The following MBD5 variants were observed in gnomAD, a reference collection of about 807,000 sequenced individuals.
The protein encoded by MBD5 is methyl-CpG binding domain protein 5.
In MBD5, 13 loss-of-function variants were observed where a neutral mutation model predicts 117.3. That is an observed-to-expected ratio of 0.11 (90% confidence interval 0.07 to 0.18). MBD5 has a LOEUF of 0.18. Ranked by LOEUF, MBD5 falls within the 10% of genes least tolerant of loss-of-function variation. The probability of loss-of-function intolerance (pLI) is 1.00; values close to 1 mark genes in which losing one functional copy is unlikely to be tolerated. For missense variants in MBD5, 1,879 were observed against 2,093.8 expected, an observed-to-expected ratio of 0.90 and a Z score of 2.00; for synonymous variants, 727 against 766.4, an observed-to-expected ratio of 0.95 and a Z score of 0.85.
Position 148,052,206 on chromosome 2 carries a change from G to GTTTTTTTTTTTT in MBD5, c.-925+30532_-925+30543dup, listed in dbSNP as rs70992189. On this transcript the variant is annotated intron_variant, in intron 1 of 13. Coordinates refer to ENST00000642680, the MANE Select transcript of MBD5 (RefSeq NM_001378120.1). ...TCTTATGGTATAAGACTGTTATTGA[G>GTTTTTTTTTTTT]TTTTTTTTTTTTTTTTTTTTTGAGA... is the stretch of plus-strand genomic sequence containing the variant. 2.6e-4 allele frequency among the ~76,000 whole-genome samples: 22 copies of GTTTTTTTTTTTT among 83,766 alleles called. 2 individuals carry two copies. The highest frequency in any genetic ancestry group is 1.3e-3 in the East Asian group (3 of 2,300). 55.0% of individuals were successfully genotyped at this position (83,766 alleles called of 152,430 possible).
intron 4 of MBD5, among the ~76,000 whole-genome samples, chr2:148,448,156 C>G (rs1706624002): frequency 6.6e-6 from 1 of 152,054 alleles, no homozygotes; most frequent in Non-Finnish European, 1.5e-5. Context: ...GGTTTTACTA[C>G]TTGTTTCATT....
chr2:148,384,252 A>C (rs368573553), intron 4 of MBD5, among the ~76,000 whole-genome samples: 13 of 152,246 alleles, frequency 8.5e-5, no homozygotes, highest in East Asian at 5.8e-4. Flanking sequence ...TGATAAGCAA[A>C]TTCAGCAAAG....
rs1219666803 is a variant in MBD5, at chr2:148,342,242, C to T, written c.-651C>T. 6.6e-6 allele frequency: 1 copy of T among 151,914 alleles called. No homozygotes were observed. Among genetic ancestry groups the T allele is most frequent in the African/African-American group, 2.4e-5 (1 of 41,394 alleles). 9.4% of individuals were successfully genotyped at this position (151,914 alleles called of 1,614,324 possible). A position where few individuals can be genotyped will look rare whatever the true frequency, so the allele number is the denominator to read the frequency against. ...GAAGAGGTACTCCCTTATAGGGACT[C>T]GTAAAGACATAGAGCATCTGGAAAT... is the stretch of plus-strand genomic sequence containing the variant. On this transcript the variant is annotated 5_prime_UTR_variant, in exon 4 of 14. Coordinates refer to ENST00000642680, the MANE Select transcript of MBD5 (RefSeq NM_001378120.1).
intron 1 of MBD5, among the ~76,000 whole-genome samples, chr2:148,158,913 G>A (rs181655564): frequency 0.029 from 4,452 of 152,220 alleles, 86 homozygotes; most frequent in Non-Finnish European, 0.047. Flanking sequence ...TAGTAGAGAC[G>A]GGGTTTCATC....
intron 1 of MBD5, among the ~76,000 whole-genome samples, chr2:148,023,799 C>T (rs565320714): frequency 2.6e-5 from 4 of 151,706 alleles, no homozygotes; most frequent in Admixed American, 6.6e-5. Context: ...TTATCACACC[C>T]CTCACCCTCA....
intron 4 of MBD5, among the ~76,000 whole-genome samples, chr2:148,420,031 G>T (rs1208352943): frequency 1.3e-5 from 2 of 152,070 alleles, no homozygotes; most frequent in African/African-American, 2.4e-5. Context: ...GCCTGGGGGA[G>T]GTAAGGAAGA....
intron 1 of MBD5, among the ~76,000 whole-genome samples, chr2:148,124,979 G>A (rs1263639456): frequency 1.3e-5 from 2 of 150,472 alleles, no homozygotes; most frequent in African/African-American, 4.9e-5. Context: ...TATAAAAGTG[G>A]GATCAGGATT....
At chr2:148,074,483 T>TG (rs369648154) in intron 1 of MBD5, among the ~76,000 whole-genome samples, 4 of 140,776 alleles carry the variant, frequency 2.8e-5, no homozygotes, top group African/African-American at 5.4e-5. Flanking sequence ...AGGAATAGTT[T>TG]GTTTTTTTTT....
chr2:148,210,517 A>G (rs542076935), intron 2 of MBD5, among the ~76,000 whole-genome samples: 50 of 152,108 alleles, frequency 3.3e-4, no homozygotes, highest in African/African-American at 1.2e-3. Flanking sequence ...AACTTGTATT[A>G]TCTTAATAGG....
rs113519066 is a variant in MBD5 at position 148,436,431 on chromosome 2, G to A, written c.-556-21772G>A. On this transcript the variant is annotated intron_variant, in intron 4 of 13. Coordinates refer to ENST00000642680, the MANE Select transcript of MBD5 (RefSeq NM_001378120.1). The stretch of plus-strand genomic sequence containing the variant: ...TCTGTTGCCCAGGCTGGAATGCAGC[G>A]ATGTGATCTTGGTTCACTGCAACCT... Among the ~76,000 whole-genome samples, 841 of 152,172 alleles carry A rather than the reference G, an allele frequency of 5.5e-3. 7 individuals carry two copies. Among genetic ancestry groups the A allele is most frequent in the African/African-American group, 0.02 (813 of 41,498 alleles).
At chr2:148,416,415 G>A (rs988212833) in intron 4 of MBD5, among the ~76,000 whole-genome samples, 7 of 152,094 alleles carry the variant, frequency 4.6e-5, no homozygotes, top group African/African-American at 1.4e-4. Flanking sequence ...TAGGGCAGTG[G>A]CTGCAGAATC....
At chr2:148,478,259 TATAA>T (rs1681034381) in intron 8 of MBD5, among the ~76,000 whole-genome samples, 1 of 152,182 alleles carries the variant, frequency 6.6e-6, no homozygotes, top group Admixed American at 6.5e-5. Context: ...TATCATGAAT[TATAA>T]ATGTGTGCAG....
chr2:148,407,522 C>T (rs1705120638), intron 4 of MBD5, among the ~76,000 whole-genome samples: 1 of 152,064 alleles, frequency 6.6e-6, no homozygotes, highest in African/African-American at 2.4e-5. Flanking sequence ...TATGAATTAG[C>T]ATGGGATTTT....
At chr2:148,134,527 T>C (rs1375860) in intron 1 of MBD5, among the ~76,000 whole-genome samples, 146,643 of 152,228 alleles carry the variant, frequency 0.96, 70,867 homozygotes, top group East Asian at 1. Flanking sequence ...CTGAAAAGTA[T>C]GAACTAAATA....
intron 3 of MBD5, among the ~76,000 whole-genome samples, chr2:148,337,143 T>A (rs1702818221): frequency 6.6e-6 from 1 of 152,172 alleles, no homozygotes; most frequent in African/African-American, 2.4e-5. Context: ...AGTGCTCAGT[T>A]ACCTTAATCA....
At chr2:148,072,400 C>T (rs1229516153) in intron 1 of MBD5, among the ~76,000 whole-genome samples, 2 of 152,080 alleles carry the variant, frequency 1.3e-5, no homozygotes, top group African/African-American at 4.8e-5. Flanking sequence ...ATAGGTAAGA[C>T]TTCTATTATA....
intron 1 of MBD5, among the ~76,000 whole-genome samples, chr2:148,064,235 C>T (rs970009087): frequency 6.6e-6 from 1 of 151,044 alleles, no homozygotes; most frequent in Admixed American, 6.6e-5. Context: ...ACGCCATTCT[C>T]CCGCCTAGTA....
At chr2:148,428,831 T>C (rs1705893573) in intron 4 of MBD5, among the ~76,000 whole-genome samples, 1 of 152,118 alleles carries the variant, frequency 6.6e-6, no homozygotes, top group African/African-American at 2.4e-5. Flanking sequence ...TTATACCTTA[T>C]GCAAAAATGA....
At chr2:148,174,967 ATTAG>A (rs985991761) in intron 1 of MBD5, among the ~76,000 whole-genome samples, 5 of 152,162 alleles carry the variant, frequency 3.3e-5, no homozygotes, top group African/African-American at 1.2e-4. Context: ...AACATTTTAA[ATTAG>A]TTTGTTTTAA....
Sources: gnomAD v4.1 joint callset for allele counts (sites outside exome capture counted in the v4.1 genomes callset) on GRCh38, gnomAD v4.1.1 for gene constraint, MANE v1.5 for transcripts, NCBI Gene and HGNC (gene_info 2026-07-23, HGNC 2026-07-21) for gene names.